The following MARCHF6 variants were observed in gnomAD, a reference collection of about 807,000 sequenced individuals.
MARCHF6 encodes the protein membrane associated ring-CH-type finger 6, also known as E3 ubiquitin-protein ligase MARCHF6.
Under a neutral mutation model 133.7 loss-of-function variants are expected in MARCHF6, and 31 were observed. The observed-to-expected ratio is 0.23, with a 90% CI of 0.17 to 0.31. The LOEUF (loss-of-function observed/expected upper bound fraction) is 0.31, where lower values mean the gene tolerates loss of function less well. MARCHF6 is among the 10% of genes least tolerant of loss of function. The pLI, the probability that MARCHF6 is intolerant of heterozygous loss-of-function variation, is 1.00. For missense variants in MARCHF6, 723 were observed against 1,121.6 expected, an observed-to-expected ratio of 0.64 and a Z score of 5.08; for synonymous variants, 395 against 402.5, an observed-to-expected ratio of 0.98 and a Z score of 0.22.
At chr5:10,373,800 C>T (rs1466183205) in intron 1 of MARCHF6, among the ~76,000 whole-genome samples, 1 of 152,198 alleles carries the variant, frequency 6.6e-6, no homozygotes, top group African/African-American at 2.4e-5. Context: ...CACCCACCCT[C>T]CCTGGTAGAT....
rs148286568 is a variant in MARCHF6, at chr5:10,357,038, G to T, written c.19+3121G>T. ...CATTCTTACTGTGTATATGTTATTTGTATGAGTGCAGATGTGTTATGTCAA... is the reference window on the plus strand; with the variant it reads ...CATTCTTACTGTGTATATGTTATTTTTATGAGTGCAGATGTGTTATGTCAA... On this transcript the variant is annotated intron_variant, in intron 1 of 25. Coordinates refer to ENST00000274140, the MANE Select transcript of MARCHF6 (RefSeq NM_005885.4). Among the ~76,000 whole-genome samples the T allele has an allele frequency of 1.4e-3, 220 of 152,174 alleles. 4 individuals carry two copies. In the East Asian group the frequency reaches 0.04, roughly 28 times the overall value.
At chr5:10,419,555 G>T (rs1330753339) in intron 22 of MARCHF6, among the ~76,000 whole-genome samples, 1 of 151,276 alleles carries the variant, frequency 6.6e-6, no homozygotes, top group Non-Finnish European at 1.5e-5. Context: ...ATGCCTTTCT[G>T]TAAGAGCCGT....
chr5:10,400,307 T>C (rs1025412573), intron 10 of MARCHF6, among the ~76,000 whole-genome samples: 1 of 152,214 alleles, frequency 6.6e-6, no homozygotes, highest in Admixed American at 6.5e-5. Flanking sequence ...GTAGGACAGA[T>C]GCTCATATTT....
At chr5:10,397,595 A>G (rs1240553419) in intron 10 of MARCHF6, among the ~76,000 whole-genome samples, 3 of 151,912 alleles carry the variant, frequency 2.0e-5, no homozygotes, top group Non-Finnish European at 1.5e-5. Context: ...TTTTTGTAGA[A>G]GCTGGTTTTA....
At chr5:10,381,696 C>A in intron 3 of MARCHF6, 104 bp from the exon 4 acceptor site, 1 of 863,076 alleles carries the variant, frequency 1.2e-6, no homozygotes, top group South Asian at 2.1e-5. Flanking sequence ...AAAAATTAAG[C>A]ACAAGGCAAA....
chr5:10,425,336 T>A (rs1278662264), intron 23 of MARCHF6, among the ~76,000 whole-genome samples: 2 of 152,210 alleles, frequency 1.3e-5, no homozygotes, highest in South Asian at 4.1e-4. Context: ...CAGTACACTC[T>A]AGAATGGCCA....
chr5:10,363,554 G>A (rs958193061), intron 1 of MARCHF6, among the ~76,000 whole-genome samples: 1 of 152,156 alleles, frequency 6.6e-6, no homozygotes, highest in African/African-American at 2.4e-5. Flanking sequence ...ATGTAAGATA[G>A]TGTGACTGAT....
chr5:10,369,670 C>G (rs1232051188), intron 1 of MARCHF6, among the ~76,000 whole-genome samples: 1 of 143,574 alleles, frequency 7.0e-6, no homozygotes, highest in Non-Finnish European at 1.5e-5. Context: ...TTTCCAGCCC[C>G]TGGCAACTAC....
chr5:10,398,559 CTG>C (rs970108309), intron 10 of MARCHF6, among the ~76,000 whole-genome samples: 1 of 150,076 alleles, frequency 6.7e-6, no homozygotes. Context: ...CATATATAGA[CTG>C]TGAAACTGTT....
At position 10,407,810 on chromosome 5, in the gene MARCHF6, G is replaced by A. The variant is rs547746909; in HGVS notation, c.1553+608G>A. ...CTCTACTAAAAATACAAAAAAATTA[G>A]CCATGCGTGGTGGCGCATGCCTGTA... On this transcript the variant is annotated intron_variant, in intron 17 of 25. Transcript: ENST00000274140. 9.2e-5 allele frequency among the ~76,000 whole-genome samples: 14 copies of A among 152,238 alleles called. No homozygotes were observed. The South Asian group carries it at 1.2e-3, about 14-fold the overall frequency.
At chr5:10,429,348 A>G (rs1425973253) in intron 24 of MARCHF6, among the ~76,000 whole-genome samples, 1 of 151,312 alleles carries the variant, frequency 6.6e-6, no homozygotes, top group African/African-American at 2.4e-5. Context: ...GAAATGTATC[A>G]ATGACACCAC....
intron 5 of MARCHF6, 96 bp downstream of exon 5, chr5:10,387,162 T>C (rs1737531330): frequency 5.6e-6 from 5 of 899,050 alleles, no homozygotes; most frequent in African/African-American, 5.1e-5. Context: ...TAAATTCTTT[T>C]GTTTTGAGAA....
intron 15 of MARCHF6, among the ~76,000 whole-genome samples, chr5:10,403,795 A>G (rs1738698636): frequency 6.6e-6 from 1 of 152,198 alleles, no homozygotes; most frequent in Admixed American, 6.5e-5. Flanking sequence ...GAAAAAGATA[A>G]GAGTACTCAT....
chr5:10,430,108 A>AG, intron 25 of MARCHF6, 80 bp downstream of exon 25: 1 of 1,466,512 alleles, frequency 6.8e-7, no homozygotes, highest in Non-Finnish European at 9.4e-7. Flanking sequence ...AAATCATAGG[A>AG]GGGAAACATG....
intron 1 of MARCHF6, among the ~76,000 whole-genome samples, chr5:10,368,090 A>G (rs1736241380): frequency 1.3e-5 from 2 of 152,226 alleles, no homozygotes; most frequent in African/African-American, 4.8e-5. Flanking sequence ...AAGGACTTTA[A>G]GCTGAGCCCT....
intron 1 of MARCHF6, among the ~76,000 whole-genome samples, chr5:10,374,297 TGTG>T (rs368346653): frequency 1.3e-5 from 2 of 152,258 alleles, no homozygotes; most frequent in East Asian, 3.9e-4. Context: ...CCACTTTCAA[TGTG>T]GTGTGCTGAA....
chr5:10,359,056 C>T (rs1451484599), intron 1 of MARCHF6, among the ~76,000 whole-genome samples: 4 of 152,192 alleles, frequency 2.6e-5, no homozygotes, highest in Non-Finnish European at 5.9e-5. Flanking sequence ...GTTGTTGGAG[C>T]TCATCTCTCC....
At chr5:10,380,737 C>T (rs1008175889) in intron 3 of MARCHF6, among the ~76,000 whole-genome samples, 3 of 151,992 alleles carry the variant, frequency 2.0e-5, no homozygotes, top group African/African-American at 7.3e-5. Flanking sequence ...GCTAGCCTGG[C>T]CAACATGGTG....
intron 10 of MARCHF6, among the ~76,000 whole-genome samples, chr5:10,398,957 T>G (rs1416773326): frequency 6.6e-6 from 1 of 152,166 alleles, no homozygotes; most frequent in Admixed American, 6.5e-5. Flanking sequence ...CTACAGGCAG[T>G]TTTTTGGCTC....
Sources: gnomAD v4.1 joint callset for allele counts (sites outside exome capture counted in the v4.1 genomes callset) on GRCh38, gnomAD v4.1.1 for gene constraint, MANE v1.5 for transcripts, NCBI Gene and HGNC (gene_info 2026-07-23, HGNC 2026-07-21) for gene names.